Variants in NKAIN3 observed in about 807,000 individuals in gnomAD.
NKAIN3 encodes sodium/potassium transporting ATPase interacting 3, also known as sodium/potassium-transporting ATPase subunit beta-1-interacting protein 3.
A neutral mutation model predicts 30.2 loss-of-function variants in NKAIN3; 25 were observed. The observed-to-expected ratio is 0.83, with a 90% CI of 0.60 to 1.16. The LOEUF (loss-of-function observed/expected upper bound fraction) is 1.16. NKAIN3 is among the 50% of genes most tolerant of loss of function. The probability of loss-of-function intolerance (pLI) is 0.00; values close to 1 mark genes in which losing one functional copy is unlikely to be tolerated. For missense variants in NKAIN3, 225 were observed against 254.1 expected, an observed-to-expected ratio of 0.89 and a Z score of 0.78; for synonymous variants, 91 against 89.6, an observed-to-expected ratio of 1.02 and a Z score of -0.09.
rs1823950038 is a variant in NKAIN3, at chr8:62,976,742, T to G, written c.*11335T>G. ...CTGTCATTATGATGATAGCTGGTTA[T>G]TTTGCCCATTAGTTGATGCAGCTTC... On this transcript the variant is annotated 3_prime_UTR_variant, in exon 7 of 7. Transcript: ENST00000623646. Among the ~76,000 whole-genome samples, 5 of 152,222 alleles carry G rather than the reference T, an allele frequency of 3.3e-5. No individual in the cohort carries two copies.
intron 5 of NKAIN3, among the ~76,000 whole-genome samples, chr8:62,940,081 T>C (rs180761070): frequency 6.6e-6 from 1 of 150,510 alleles, no homozygotes; most frequent in African/African-American, 2.4e-5. Flanking sequence ...TCCATGTAAA[T>C]GGACACCAAA....
intron 1 of NKAIN3, among the ~76,000 whole-genome samples, chr8:62,319,979 A>G (rs1485575350): frequency 6.6e-6 from 1 of 152,090 alleles, no homozygotes; most frequent in African/African-American, 2.4e-5. Context: ...GTCTCTTTGT[A>G]GGTCTCTAAG....
At position 62,636,774 on chromosome 8, in the gene NKAIN3, C is replaced by T. The variant is rs924063231; in HGVS notation, c.273+46980C>T. On this transcript the variant is annotated intron_variant, in intron 3 of 6. Transcript: ENST00000623646. ...AACAAAAAATCATGTCACTGGTATACAGTTTGCTACAAAACTTAGAAATCC... is the reference window on the plus strand; with the variant it reads ...AACAAAAAATCATGTCACTGGTATATAGTTTGCTACAAAACTTAGAAATCC... Among the ~76,000 whole-genome samples the T allele has an allele frequency of 1.6e-4, 25 of 152,172 alleles. 1 individual carries two copies. The highest frequency in any genetic ancestry group is 8.5e-4 in the Admixed American group (13 of 15,280).
intron 4 of NKAIN3, among the ~76,000 whole-genome samples, chr8:62,798,790 C>G (rs937923117): frequency 1.3e-5 from 2 of 152,052 alleles, no homozygotes; most frequent in African/African-American, 4.8e-5. Flanking sequence ...CCCTAGCACA[C>G]TAATACACAT....
chr8:62,904,621 A>G (rs1451245671), intron 4 of NKAIN3, among the ~76,000 whole-genome samples: 1 of 152,220 alleles, frequency 6.6e-6, no homozygotes, highest in Non-Finnish European at 1.5e-5. Flanking sequence ...AGGGAACTTC[A>G]GAATTGCTAC....
intron 1 of NKAIN3, among the ~76,000 whole-genome samples, chr8:62,265,184 T>C (rs1383847549): frequency 1.3e-5 from 2 of 152,232 alleles, no homozygotes; most frequent in Non-Finnish European, 2.9e-5. Context: ...TTAAAACTGC[T>C]ACCTCGGGCT....
chr8:62,762,342 G>T (rs1454560737), intron 4 of NKAIN3, among the ~76,000 whole-genome samples: 1 of 151,424 alleles, frequency 6.6e-6, no homozygotes, highest in Non-Finnish European at 1.5e-5. Flanking sequence ...AAAACAAAAA[G>T]AAACATGGCA....
At chr8:62,552,848 G>T (rs879280747) in intron 1 of NKAIN3, among the ~76,000 whole-genome samples, 2 of 152,192 alleles carry the variant, frequency 1.3e-5, no homozygotes, top group Non-Finnish European at 2.9e-5. Context: ...GAGGTAGAAA[G>T]AAAATTGCTG....
chr8:62,412,924 A>C (rs1371530008), intron 1 of NKAIN3, among the ~76,000 whole-genome samples: 93 of 126,446 alleles, frequency 7.4e-4, no homozygotes, highest in African/African-American at 2.0e-3. Context: ...AAAAAAAACA[A>C]AAAAAAAAAA....
At chr8:62,343,674 G>A (rs1472473180) in intron 1 of NKAIN3, among the ~76,000 whole-genome samples, 1 of 151,786 alleles carries the variant, frequency 6.6e-6, no homozygotes, top group Non-Finnish European at 1.5e-5. Flanking sequence ...AACTGGGCAT[G>A]GTGACACATG....
intron 3 of NKAIN3, among the ~76,000 whole-genome samples, chr8:62,612,471 A>G (rs1472085963): frequency 6.8e-6 from 1 of 147,268 alleles, no homozygotes; most frequent in African/African-American, 2.5e-5. Flanking sequence ...TGGAATATCT[A>G]TTTTCAGTCT....
chr8:62,288,286 C>A (rs1490296821), intron 1 of NKAIN3, among the ~76,000 whole-genome samples: 1 of 152,082 alleles, frequency 6.6e-6, no homozygotes, highest in Non-Finnish European at 1.5e-5. Flanking sequence ...TACAGGTGTA[C>A]AACATGCATG....
At chr8:62,389,648 G>T (rs560037131) in intron 1 of NKAIN3, among the ~76,000 whole-genome samples, 36 of 152,286 alleles carry the variant, frequency 2.4e-4, no homozygotes, top group African/African-American at 8.4e-4. Flanking sequence ...GATCTATGTT[G>T]CCTATCTGGG....
intron 1 of NKAIN3, among the ~76,000 whole-genome samples, chr8:62,388,585 C>A: frequency 6.6e-6 from 1 of 152,236 alleles, no homozygotes; most frequent in East Asian, 1.9e-4. Context: ...TGATATTGAA[C>A]ACCAAGTGCT....
At chr8:62,900,363 A>T (rs1821573917) in intron 4 of NKAIN3, among the ~76,000 whole-genome samples, 1 of 152,240 alleles carries the variant, frequency 6.6e-6, no homozygotes, top group African/African-American at 2.4e-5. Flanking sequence ...CTGAAGAATT[A>T]CACCATCATC....
intron 1 of NKAIN3, among the ~76,000 whole-genome samples, chr8:62,294,256 G>A (rs371260711): frequency 3.3e-5 from 5 of 152,162 alleles, no homozygotes; most frequent in African/African-American, 4.8e-5. Context: ...GATGAACCCA[G>A]TACCTCAGTT....
chr8:62,337,709 T>A (rs1018824774), intron 1 of NKAIN3, among the ~76,000 whole-genome samples: 3 of 152,018 alleles, frequency 2.0e-5, no homozygotes, highest in African/African-American at 7.2e-5. Flanking sequence ...AACATGTAAC[T>A]GAAACAAGTT....
At position 62,981,874 on chromosome 8, in the gene NKAIN3, C is replaced by T. The variant is rs537842913; in HGVS notation, c.*16467C>T. On this transcript the variant is annotated 3_prime_UTR_variant, in exon 7 of 7. Transcript: ENST00000623646. Reference sequence around the variant, plus strand: ...AAAAAAAAGAAAAGAAAGAAAAACTCTTTAACCCTTTGTTTAAATCCTATT... The same window carrying T: ...AAAAAAAAGAAAAGAAAGAAAAACTTTTTAACCCTTTGTTTAAATCCTATT... The T allele has an allele frequency of 2.6e-5, 4 of 151,876 alleles. No homozygotes were observed. Among genetic ancestry groups the T allele is most frequent in the Non-Finnish European group, 5.9e-5 (4 of 67,950 alleles). 9.4% of individuals were successfully genotyped at this position (151,876 alleles called of 1,614,324 possible). A position where few individuals can be genotyped will look rare whatever the true frequency, so the allele number is the denominator to read the frequency against.
intron 5 of NKAIN3, among the ~76,000 whole-genome samples, chr8:62,996,411 C>T (rs1804115371): frequency 6.6e-6 from 1 of 152,138 alleles, no homozygotes; most frequent in African/African-American, 2.4e-5. Context: ...CCTCCCTCGA[C>T]ACTTGGGGAT....
Sources: gnomAD v4.1 joint callset for allele counts (sites outside exome capture counted in the v4.1 genomes callset) on GRCh38, gnomAD v4.1.1 for gene constraint, MANE v1.5 for transcripts, NCBI Gene and HGNC (gene_info 2026-07-23, HGNC 2026-07-21) for gene names.